Variants in FSHR observed in about 807,000 individuals in gnomAD.
FSHR encodes the protein follicle stimulating hormone receptor.
FSHR carries 46 observed loss-of-function variants against 52.1 expected under a neutral mutation model. That is an observed-to-expected ratio of 0.88 (90% CI 0.70 to 1.13). The LOEUF is 1.13. FSHR is among the 50% of genes most tolerant of loss of function. FSHR has a pLI of 0.00. For missense variants in FSHR, 964 were observed against 834.6 expected (o/e 1.16, Z -1.91); for synonymous variants, 399 against 309.6 (o/e 1.29, Z -3.03).
intron 1 of FSHR, among the ~76,000 whole-genome samples, chr2:49,078,214 G>C (rs910260685): frequency 6.6e-6 from 1 of 152,222 alleles, no homozygotes; most frequent in Non-Finnish European, 1.5e-5. Context: ...AAAGCAAGGA[G>C]GAGCAAGTCA....
chr2:49,144,825 T>A (rs1308259577), intron 1 of FSHR, among the ~76,000 whole-genome samples: 1 of 152,114 alleles, frequency 6.6e-6, no homozygotes, highest in Non-Finnish European at 1.5e-5. Context: ...GTGATCATTC[T>A]TTTGCATTTA....
At chr2:49,094,554 A>G (rs1032956152) in intron 1 of FSHR, among the ~76,000 whole-genome samples, 4 of 152,190 alleles carry the variant, frequency 2.6e-5, no homozygotes, top group East Asian at 1.9e-4. Flanking sequence ...TTTGAAGTCT[A>G]TTTTCACAGG....
intron 2 of FSHR, among the ~76,000 whole-genome samples, chr2:49,045,180 A>G (rs1399837252): frequency 6.6e-6 from 1 of 152,126 alleles, no homozygotes; most frequent in African/African-American, 2.4e-5. Flanking sequence ...TGTGTATTTT[A>G]TCAACAACTA....
Position 48,963,767 on chromosome 2 carries a change from C to T in FSHR, c.1054G>A (p.Ala352Thr). The T allele has an allele frequency of 6.2e-7, 1 of 1,614,138 alleles. No homozygotes were observed. The highest frequency in any genetic ancestry group is 8.5e-7 in the Non-Finnish European group (1 of 1,180,004). ...VDVTCSPKPD[A>T]FNPCEDIMGY... ...ATGATATCTTCACATGGGTTGAATGCATCTGGCTTAGGGGAGCAGGTCACG... is the reference window on the plus strand; with the variant it reads ...ATGATATCTTCACATGGGTTGAATGTATCTGGCTTAGGGGAGCAGGTCACG... The change falls in exon 10 of 10, where the codon GCA becomes ACA. Residue 352 changes from alanine (A) to threonine (T), a missense_variant. Ala to Thr is a moderately conservative substitution (Grantham distance 58, BLOSUM62 0). Transcript: ENST00000406846.
intron 1 of FSHR, among the ~76,000 whole-genome samples, chr2:49,085,208 T>A (rs1343653131): frequency 2.6e-5 from 4 of 152,334 alleles, no homozygotes; most frequent in Non-Finnish European, 4.4e-5. Flanking sequence ...AATCAATAAA[T>A]GTAATCCAGC....
chr2:49,039,916 C>T (rs115189324), intron 2 of FSHR, among the ~76,000 whole-genome samples: 1,528 of 49,082 alleles, frequency 0.031, 29 homozygotes, highest in African/African-American at 0.091. Context: ...TAACTTTCTA[C>T]ATTGGTGGTT....
intron 4 of FSHR, among the ~76,000 whole-genome samples, chr2:49,003,003 CTCT>C (rs1666959672): frequency 6.6e-6 from 1 of 152,134 alleles, no homozygotes; most frequent in African/African-American, 2.4e-5. Flanking sequence ...GCCAGGCTTT[CTCT>C]TCTTAGCACT....
intron 1 of FSHR, among the ~76,000 whole-genome samples, chr2:49,104,684 A>G (rs1671160518): frequency 6.6e-6 from 1 of 152,068 alleles, no homozygotes; most frequent in African/African-American, 2.4e-5. Flanking sequence ...TGTAAAGAGG[A>G]CCGAAGTTGC....
chr2:49,144,164 T>A (rs968231673), intron 1 of FSHR, among the ~76,000 whole-genome samples: 1 of 152,126 alleles, frequency 6.6e-6, no homozygotes, highest in East Asian at 1.9e-4. Context: ...CATCCTCCAG[T>A]AGGAATTTGG....
intron 1 of FSHR, among the ~76,000 whole-genome samples, chr2:49,130,407 G>T (rs1261836545): frequency 6.6e-6 from 1 of 152,172 alleles, no homozygotes; most frequent in African/African-American, 2.4e-5. Context: ...ATCATTCCAA[G>T]TTCTGGCCTT....
chr2:49,125,664 T>G (rs1671971296), intron 1 of FSHR, among the ~76,000 whole-genome samples: 1 of 152,192 alleles, frequency 6.6e-6, no homozygotes. Flanking sequence ...TCTTCTTGCC[T>G]TAGGAAATAA....
chr2:49,127,898 CTTTT>C (rs766862227), intron 1 of FSHR, among the ~76,000 whole-genome samples: 1 of 27,238 alleles, frequency 3.7e-5, no homozygotes, highest in African/African-American at 1.8e-4. Flanking sequence ...TCTTCTTCTT[CTTTT>C]TTTTTTTTGA....
At chr2:49,088,099 C>T (rs934331075) in intron 1 of FSHR, among the ~76,000 whole-genome samples, 1 of 152,166 alleles carries the variant, frequency 6.6e-6, no homozygotes, top group African/African-American at 2.4e-5. Flanking sequence ...GGTTTATTTA[C>T]TTGATCAAGG....
chr2:49,091,891 T>A (rs1670625240), intron 1 of FSHR, among the ~76,000 whole-genome samples: 1 of 152,214 alleles, frequency 6.6e-6, no homozygotes, highest in South Asian at 2.1e-4. Context: ...AATTTTAGAA[T>A]CAGCTAATCT....
chr2:49,074,813 A>T (rs922689791), intron 1 of FSHR, among the ~76,000 whole-genome samples: 1 of 152,168 alleles, frequency 6.6e-6, no homozygotes, highest in South Asian at 2.1e-4. Flanking sequence ...AATGCGGTAT[A>T]TATACATAAT....
intron 2 of FSHR, among the ~76,000 whole-genome samples, chr2:49,051,669 C>CT (rs1480924584): frequency 1.3e-5 from 2 of 151,768 alleles, no homozygotes; most frequent in East Asian, 3.9e-4. Context: ...TCTTTTTTTA[C>CT]TTTTTTTATT....
intron 1 of FSHR, among the ~76,000 whole-genome samples, chr2:49,127,830 C>CA (rs1672092688): frequency 4.8e-5 from 1 of 21,050 alleles, no homozygotes; most frequent in African/African-American, 2.3e-4. Flanking sequence ...CTTCTTCTTC[C>CA]TCTTCTTCTT....
At chr2:49,015,795 G>C (rs1374563364) in intron 4 of FSHR, among the ~76,000 whole-genome samples, 1 of 152,172 alleles carries the variant, frequency 6.6e-6, no homozygotes, top group Non-Finnish European at 1.5e-5. Flanking sequence ...GTGGGATGCT[G>C]TGTAAATAAA....
Position 49,069,665 on chromosome 2 carries a change from T to G in FSHR, c.153-1375A>C, listed in dbSNP as rs1439211861. Among the ~76,000 whole-genome samples, 6 of 152,292 alleles carry G rather than the reference T, an allele frequency of 3.9e-5. No individual in the cohort carries two copies. In the East Asian group the frequency reaches 1.2e-3, roughly 29 times the overall value. On this transcript the variant is annotated intron_variant, in intron 1 of 9. Transcript: ENST00000406846. ...TAAATATTTGAATGACTGAATTAAATGGCTTATTGAGCCCTCTGAAAATTC... is the reference window on the plus strand; with the variant it reads ...TAAATATTTGAATGACTGAATTAAAGGGCTTATTGAGCCCTCTGAAAATTC...
Sources: allele counts gnomAD v4.1 joint callset (sites outside exome capture counted in the v4.1 genomes callset), GRCh38; gene constraint gnomAD v4.1.1; transcripts MANE v1.5; gene names NCBI Gene and HGNC (gene_info 2026-07-23, HGNC 2026-07-21).